Variants in CBLB observed in about 807,000 individuals in gnomAD.
The protein encoded by CBLB is Cbl proto-oncogene B.
A neutral mutation model predicts 104.9 loss-of-function variants in CBLB; 31 were observed. That is an observed-to-expected ratio of 0.30 (90% CI 0.22 to 0.40). The LOEUF (loss-of-function observed/expected upper bound fraction) is 0.40, where lower values mean the gene tolerates loss of function less well. Ranked by LOEUF, CBLB falls within the 10% of genes least tolerant of loss-of-function variation. The pLI is 1.00. For synonymous variants in CBLB, 440 were observed against 422.6 expected (o/e 1.04, Z -0.51); for missense variants, 1,062 against 1,214.6 (o/e 0.87, Z 1.87).
intron 3 of CBLB, among the ~76,000 whole-genome samples, chr3:105,818,543 T>G (rs567683755): frequency 6.6e-6 from 1 of 152,086 alleles, no homozygotes; most frequent in Non-Finnish European, 1.5e-5. Flanking sequence ...TTTATGAAAT[T>G]AAGGCAACTT....
chr3:105,767,550 TTC>T (rs2078358925), intron 4 of CBLB, among the ~76,000 whole-genome samples: 2 of 40,702 alleles, frequency 4.9e-5, no homozygotes, highest in East Asian at 1.4e-3. Context: ...TTTAAAATTT[TTC>T]TTTTTCTTTC....
At chr3:105,776,129 A>T (rs2079427918) in intron 4 of CBLB, among the ~76,000 whole-genome samples, 1 of 152,226 alleles carries the variant, frequency 6.6e-6, no homozygotes, top group Non-Finnish European at 1.5e-5. Flanking sequence ...AGACTCTTAC[A>T]TACCTCTGCT....
intron 4 of CBLB, among the ~76,000 whole-genome samples, chr3:105,773,227 T>C (rs1413167666): frequency 1.3e-5 from 2 of 152,202 alleles, no homozygotes; most frequent in African/African-American, 4.8e-5. Flanking sequence ...TGAAATAATG[T>C]CTTTTGCAGC....
At chr3:105,702,032 C>G in intron 12 of CBLB, 62 bp downstream of exon 12, 3 of 1,597,406 alleles carry the variant, frequency 1.9e-6, no homozygotes, top group Non-Finnish European at 2.6e-6. Flanking sequence ...ACCTTTTATG[C>G]TACTGACCAT....
chr3:105,743,010 G>C (rs1014756487), intron 6 of CBLB, among the ~76,000 whole-genome samples: 2 of 152,112 alleles, frequency 1.3e-5, no homozygotes, highest in African/African-American at 4.8e-5. Flanking sequence ...TAAGAGCCAA[G>C]GGCATTTTAG....
intron 18 of CBLB, among the ~76,000 whole-genome samples, chr3:105,667,729 A>G (rs1347465856): frequency 6.6e-6 from 1 of 152,224 alleles, no homozygotes; most frequent in Non-Finnish European, 1.5e-5. Context: ...CTACATTTTA[A>G]ACTTCTTTAG....
intron 12 of CBLB, among the ~76,000 whole-genome samples, chr3:105,696,942 C>CA (rs1417317820): frequency 4.0e-5 from 6 of 151,862 alleles, no homozygotes; most frequent in African/African-American, 1.4e-4. Context: ...CAACAGCTGC[C>CA]AATCTTTTAA....
chr3:105,757,967 T>C (rs1188244105), intron 4 of CBLB, among the ~76,000 whole-genome samples: 1 of 152,258 alleles, frequency 6.6e-6, no homozygotes, highest in Non-Finnish European at 1.5e-5. Context: ...GGGCAAGCTT[T>C]GTTCAGAAGA....
intron 3 of CBLB, among the ~76,000 whole-genome samples, chr3:105,796,417 C>T (rs1237101707): frequency 1.3e-5 from 2 of 152,154 alleles, no homozygotes; most frequent in African/African-American, 4.8e-5. Context: ...AGACCCTTTC[C>T]CTTACACCAT....
At chr3:105,671,357 T>A (rs1405322725) in intron 17 of CBLB, 1 of 214,338 alleles carries the variant, frequency 4.7e-6, no homozygotes, top group Non-Finnish European at 9.4e-6. Flanking sequence ...AGGACAGGGA[T>A]CTGAGGGATC....
chr3:105,768,069 T>A (rs1292325465), intron 4 of CBLB, among the ~76,000 whole-genome samples: 1 of 152,246 alleles, frequency 6.6e-6, no homozygotes, highest in Non-Finnish European at 1.5e-5. Context: ...ATATAAAACA[T>A]TGTGCTGAGC....
chr3:105,700,358 G>A (rs372892631), intron 12 of CBLB, among the ~76,000 whole-genome samples: 17 of 151,796 alleles, frequency 1.1e-4, no homozygotes, highest in Middle Eastern at 3.4e-3. Flanking sequence ...TTTGAAGTCC[G>A]TTTAGAAAAT....
intron 5 of CBLB, among the ~76,000 whole-genome samples, chr3:105,746,354 A>G (rs1393571550): frequency 2.6e-5 from 4 of 152,214 alleles, no homozygotes; most frequent in Admixed American, 1.3e-4. Context: ...ACACAAATGA[A>G]ATAATTCTTT....
intron 3 of CBLB, among the ~76,000 whole-genome samples, chr3:105,783,220 T>A (rs1390255269): frequency 6.6e-6 from 1 of 152,224 alleles, no homozygotes; most frequent in African/African-American, 2.4e-5. Flanking sequence ...TGTTTCCTCA[T>A]TTCTAAAAAT....
chr3:105,824,752 C>G (rs1469111229), intron 3 of CBLB, among the ~76,000 whole-genome samples: 1 of 152,080 alleles, frequency 6.6e-6, no homozygotes, highest in African/African-American at 2.4e-5. Context: ...CATCTGGTGT[C>G]CCTGATGAGA....
At chr3:105,831,477 A>G (rs2087509664) in intron 3 of CBLB, among the ~76,000 whole-genome samples, 1 of 152,248 alleles carries the variant, frequency 6.6e-6, no homozygotes, top group Non-Finnish European at 1.5e-5. Flanking sequence ...CTGAAGCATC[A>G]AGATAGAACT....
At chr3:105,816,325 G>A (rs2085056073) in intron 3 of CBLB, among the ~76,000 whole-genome samples, 1 of 151,896 alleles carries the variant, frequency 6.6e-6, no homozygotes, top group African/African-American at 2.4e-5. Context: ...CGAACAAATT[G>A]GCTGCTCCAA....
At chr3:105,833,347 C>T (rs151034091) in intron 3 of CBLB, among the ~76,000 whole-genome samples, 5 of 152,282 alleles carry the variant, frequency 3.3e-5, no homozygotes, top group African/African-American at 1.2e-4. Context: ...CAGAATCCTG[C>T]TTCAGGCAGA....
At chr3:105,704,645 G>A (rs2069789683) in intron 10 of CBLB, among the ~76,000 whole-genome samples, 1 of 151,790 alleles carries the variant, frequency 6.6e-6, no homozygotes, top group Non-Finnish European at 1.5e-5. Flanking sequence ...ATTAAATCAG[G>A]TGGGGTTTTA....
Sources: allele counts gnomAD v4.1 joint callset (sites outside exome capture counted in the v4.1 genomes callset), GRCh38; gene constraint gnomAD v4.1.1; transcripts MANE v1.5; gene names NCBI Gene and HGNC (gene_info 2026-07-23, HGNC 2026-07-21).